Variants in ZNF385D observed in about 807,000 individuals in gnomAD.
ZNF385D encodes the protein zinc finger protein 385D, also known as zinc finger protein 659.
Under a neutral mutation model 35.8 loss-of-function variants are expected in ZNF385D, and 15 were observed. The observed-to-expected ratio is 0.42, with a 90% CI of 0.28 to 0.64. The LOEUF (loss-of-function observed/expected upper bound fraction) is 0.64, where lower values mean the gene tolerates loss of function less well. ZNF385D is among the 30% of genes least tolerant of loss of function. The pLI is 0.23. For missense variants in ZNF385D, 474 were observed against 494.6 expected, an observed-to-expected ratio of 0.96 and a Z score of 0.39; for synonymous variants, 212 against 186.8, an observed-to-expected ratio of 1.13 and a Z score of -1.10.
At chr3:21,792,079 G>C (rs1256398129) in intron 3 of ZNF385D, among the ~76,000 whole-genome samples, 1 of 152,134 alleles carries the variant, frequency 6.6e-6, no homozygotes. Context: ...AAAGACATTT[G>C]AGAATCAAAA....
At chr3:21,585,824 A>T (rs1008483805) in intron 2 of ZNF385D, among the ~76,000 whole-genome samples, 12 of 152,136 alleles carry the variant, frequency 7.9e-5, no homozygotes, top group Non-Finnish European at 1.3e-4. Context: ...ATAGGTGATA[A>T]AGGGGATAGC....
chr3:21,889,342 G>A (rs1385805555), intron 3 of ZNF385D, among the ~76,000 whole-genome samples: 2 of 152,192 alleles, frequency 1.3e-5, no homozygotes, highest in Non-Finnish European at 2.9e-5. Context: ...AGATGGGGGA[G>A]GTGAGGCGCC....
chr3:21,470,400 T>A (rs1449638074), intron 4 of ZNF385D, among the ~76,000 whole-genome samples: 1 of 152,108 alleles, frequency 6.6e-6, no homozygotes, highest in East Asian at 1.9e-4. Flanking sequence ...GCCTACATTG[T>A]CCCCAGATTT....
chr3:21,620,905 A>G (rs1435195409), intron 2 of ZNF385D, among the ~76,000 whole-genome samples: 1 of 152,140 alleles, frequency 6.6e-6, no homozygotes, highest in Non-Finnish European at 1.5e-5. Flanking sequence ...AATCATCATA[A>G]GTGAATTCAT....
chr3:21,863,831 G>A (rs1354318577), intron 3 of ZNF385D, among the ~76,000 whole-genome samples: 1 of 152,140 alleles, frequency 6.6e-6, no homozygotes, highest in Non-Finnish European at 1.5e-5. Flanking sequence ...CATGCAGAGG[G>A]AAGTGGCCAA....
chr3:21,539,692 A>T lies in ZNF385D; in HGVS notation c.276+24882T>A, dbSNP rs2062125485. Among the ~76,000 whole-genome samples, 1 of 152,104 alleles carries T rather than the reference A, an allele frequency of 6.6e-6. No individual in the cohort carries two copies. On this transcript the variant is annotated intron_variant, in intron 3 of 7. Transcript: ENST00000281523. The surrounding 1 kb of genome is among the most constrained non-coding windows in gnomAD (Gnocchi z 4.0). Reference sequence around the variant, plus strand: ...CACAAAGAATATATTAAATGTTTTTAAAAATCATATATTTATTTTAAATAT... The same window carrying T: ...CACAAAGAATATATTAAATGTTTTTTAAAATCATATATTTATTTTAAATAT...
chr3:21,803,145 T>C (rs1394033606), intron 3 of ZNF385D, among the ~76,000 whole-genome samples: 1 of 152,160 alleles, frequency 6.6e-6, no homozygotes, highest in African/African-American at 2.4e-5. Flanking sequence ...CTCCCAGGCA[T>C]TTCCAGCTCT....
intron 3 of ZNF385D, chr3:21,511,827 T>G (rs554592770): frequency 4.4e-6 from 2 of 455,114 alleles, no homozygotes; most frequent in Non-Finnish European, 8.8e-6. Flanking sequence ...AAGAGCATTT[T>G]TTTTTTTTGT....
chr3:21,990,302 C>T (rs951404245), intron 3 of ZNF385D, among the ~76,000 whole-genome samples: 2 of 152,130 alleles, frequency 1.3e-5, no homozygotes, highest in Non-Finnish European at 2.9e-5. Context: ...CTAGCAAAGC[C>T]TTGGTCAACA....
At chr3:21,857,507 T>A (rs1696792349) in intron 3 of ZNF385D, among the ~76,000 whole-genome samples, 1 of 151,998 alleles carries the variant, frequency 6.6e-6, no homozygotes, top group Non-Finnish European at 1.5e-5. Flanking sequence ...AACAAGGGAT[T>A]TGTGGTACCC....
intron 3 of ZNF385D, among the ~76,000 whole-genome samples, chr3:21,889,289 T>C (rs998829630): frequency 6.6e-6 from 1 of 152,012 alleles, no homozygotes; most frequent in Non-Finnish European, 1.5e-5. Flanking sequence ...CCATAGATCC[T>C]CCCTAAGGGG....
At chr3:21,993,175 G>C (rs2125399313) in intron 3 of ZNF385D, among the ~76,000 whole-genome samples, 1 of 152,292 alleles carries the variant, frequency 6.6e-6, no homozygotes, top group Middle Eastern at 3.4e-3. Flanking sequence ...CAAAGCATGT[G>C]AATAATACTT....
At chr3:22,009,275 A>G (rs1331552945) in intron 3 of ZNF385D, among the ~76,000 whole-genome samples, 1 of 106,340 alleles carries the variant, frequency 9.4e-6, no homozygotes, top group Non-Finnish European at 2.2e-5. Flanking sequence ...TCAACAGGAG[A>G]ATAAATTGTG....
At chr3:21,662,497 C>T (rs753970918) in intron 2 of ZNF385D, among the ~76,000 whole-genome samples, 40 of 152,042 alleles carry the variant, frequency 2.6e-4, no homozygotes, top group Non-Finnish European at 1.2e-4. Context: ...TTATACATAC[C>T]GAATTTTTGG....
At chr3:21,827,484 T>C (rs1056841643) in intron 3 of ZNF385D, among the ~76,000 whole-genome samples, 5 of 152,170 alleles carry the variant, frequency 3.3e-5, no homozygotes, top group African/African-American at 1.2e-4. Context: ...ACAAGCAACA[T>C]CTCTTATAGT....
intron 3 of ZNF385D, among the ~76,000 whole-genome samples, chr3:21,993,980 G>C (rs1039161950): frequency 2.0e-5 from 3 of 152,106 alleles, no homozygotes; most frequent in Non-Finnish European, 2.9e-5. Flanking sequence ...AAGCTGCTCT[G>C]CCTCACCAGT....
At chr3:21,693,195 G>A (rs1334946959) in intron 1 of ZNF385D, among the ~76,000 whole-genome samples, 1 of 152,134 alleles carries the variant, frequency 6.6e-6, no homozygotes, top group Non-Finnish European at 1.5e-5. Flanking sequence ...TGCAAATTTG[G>A]ATATATTAAC....
chr3:21,693,546 C>G (rs752479769), intron 1 of ZNF385D, among the ~76,000 whole-genome samples: 1 of 152,180 alleles, frequency 6.6e-6, no homozygotes, highest in African/African-American at 2.4e-5. Context: ...AAGCTGTGTA[C>G]ACTTGTGCCA....
At position 21,596,608 on chromosome 3, in the gene ZNF385D, C is replaced by T. The variant is rs969411699; in HGVS notation, c.166-31924G>A. ...CAATCCTCCTGCCTCAGCCTACTGG[C>T]CAGCTGAGACTACAGGCAACATCAT... is the stretch of plus-strand genomic sequence containing the variant. On this transcript the variant is annotated intron_variant, in intron 2 of 7. Coordinates refer to ENST00000281523, the MANE Select transcript of ZNF385D (RefSeq NM_024697.3). Among the ~76,000 whole-genome samples, 3 of 150,640 alleles carry T rather than the reference C, an allele frequency of 2.0e-5. No individual in the cohort carries two copies. In the South Asian group the frequency reaches 6.3e-4, roughly 32 times the overall value.
Sources: gnomAD v4.1 joint callset for allele counts (sites outside exome capture counted in the v4.1 genomes callset) on GRCh38, gnomAD v4.1.1 for gene constraint, Gnocchi (gnomAD v3.1) non-coding constraint, MANE v1.5 for transcripts, NCBI Gene and HGNC (gene_info 2026-07-23, HGNC 2026-07-21) for gene names.